The following SCAPER variants were observed in gnomAD, a reference collection of about 807,000 sequenced individuals.
SCAPER encodes S-phase cyclin A associated protein in the ER, also known as S phase cyclin A-associated protein in the endoplasmic reticulum.
In SCAPER, 98 loss-of-function variants were observed where a neutral mutation model predicts 182.2. The ratio of observed to expected loss-of-function variants is 0.54; its 90% CI spans 0.46 to 0.64. The LOEUF is 0.64. Ranked by LOEUF, SCAPER falls within the 30% of genes least tolerant of loss-of-function variation. The probability of loss-of-function intolerance (pLI) is 0.00; values close to 1 mark genes in which losing one functional copy is unlikely to be tolerated. For synonymous variants in SCAPER, 605 were observed against 564.6 expected, an observed-to-expected ratio of 1.07 and a Z score of -1.01; for missense variants, 1,432 against 1,690.0, an observed-to-expected ratio of 0.85 and a Z score of 2.68.
chr15:76,582,112 A>G (rs546787054), intron 22 of SCAPER, among the ~76,000 whole-genome samples: 1 of 152,306 alleles, frequency 6.6e-6, no homozygotes, highest in African/African-American at 2.4e-5. Context: ...ACCTAGACCA[A>G]TTGGACAAGA....
At chr15:76,351,349 G>A (rs1355673104) in intron 30 of SCAPER, 61 bp from the exon 31 acceptor site, 6 of 1,476,884 alleles carry the variant, frequency 4.1e-6, no homozygotes, top group Non-Finnish European at 5.5e-6. Flanking sequence ...TTCACTAAGG[G>A]TGGCTTTAAA....
chr15:76,421,975 G>T (rs944585399), intron 26 of SCAPER, among the ~76,000 whole-genome samples: 2 of 152,060 alleles, frequency 1.3e-5, no homozygotes, highest in Non-Finnish European at 1.5e-5. Flanking sequence ...TGTTCCATTG[G>T]TCTATATCTC....
rs528384560 is a variant in SCAPER at position 76,885,395 on chromosome 15, T to TA, written c.-59-1520dup. On this transcript the variant is annotated intron_variant, in intron 1 of 31. Coordinates refer to ENST00000563290, the MANE Select transcript of SCAPER (RefSeq NM_020843.4). The stretch of plus-strand genomic sequence containing the variant: ...CAGACATATTCTAGCATTAGGGCTT[T>TA]ATACCTGTTGGACCTCCCATGTGGA... Among the ~76,000 whole-genome samples the TA allele has an allele frequency of 1.9e-4, 29 of 152,354 alleles. No homozygotes were observed. The South Asian group carries it at 6.0e-3, about 32-fold the overall frequency.
At chr15:76,605,727 C>A (rs2050328889) in intron 22 of SCAPER, among the ~76,000 whole-genome samples, 1 of 152,140 alleles carries the variant, frequency 6.6e-6, no homozygotes, top group Non-Finnish European at 1.5e-5. Context: ...TTCAGAGATT[C>A]AGCTTCTTCC....
chr15:76,781,744 T>C (rs2064158585), intron 8 of SCAPER, among the ~76,000 whole-genome samples: 1 of 152,066 alleles, frequency 6.6e-6, no homozygotes, highest in South Asian at 2.1e-4. Flanking sequence ...TCAACATTAT[T>C]AAACAAAAAA....
intron 30 of SCAPER, among the ~76,000 whole-genome samples, chr15:76,352,993 G>A (rs1029309525): frequency 4.6e-5 from 7 of 151,770 alleles, no homozygotes; most frequent in Non-Finnish European, 8.8e-5. Context: ...ATCTAGTTGC[G>A]TTTATTAATT....
chr15:76,452,259 T>C (rs1162843682), intron 25 of SCAPER, among the ~76,000 whole-genome samples: 1 of 152,228 alleles, frequency 6.6e-6, no homozygotes, highest in Non-Finnish European at 1.5e-5. Context: ...AACTATTCCC[T>C]TGCATTGCTG....
At chr15:76,857,746 T>A (rs1400368024) in intron 4 of SCAPER, 63 bp downstream of exon 4, 2 of 1,022,706 alleles carry the variant, frequency 2.0e-6, no homozygotes, top group African/African-American at 3.3e-5. Flanking sequence ...ATTTTCATAA[T>A]TTATAATACA....
At chr15:76,435,917 C>T (rs1351312261) in intron 25 of SCAPER, among the ~76,000 whole-genome samples, 1 of 152,160 alleles carries the variant, frequency 6.6e-6, no homozygotes, top group Non-Finnish European at 1.5e-5. Flanking sequence ...GGCTGATTTC[C>T]TGTACCTTGG....
intron 29 of SCAPER, among the ~76,000 whole-genome samples, chr15:76,358,410 A>G (rs1477050762): frequency 6.6e-6 from 1 of 152,262 alleles, no homozygotes; most frequent in African/African-American, 2.4e-5. Flanking sequence ...TTGGGCTGCC[A>G]TAACAATATA....
intron 21 of SCAPER, among the ~76,000 whole-genome samples, chr15:76,630,060 T>C (rs770397475): frequency 8.5e-5 from 13 of 152,230 alleles, no homozygotes; most frequent in Non-Finnish European, 1.5e-5. Flanking sequence ...GAGGTATTTA[T>C]AGTATTCTCT....
chr15:76,525,257 A>G (rs1035614504), intron 23 of SCAPER, among the ~76,000 whole-genome samples: 5 of 152,104 alleles, frequency 3.3e-5, no homozygotes, highest in South Asian at 2.1e-4. Flanking sequence ...TCCTAAACTC[A>G]TATCTATCAT....
intron 14 of SCAPER, among the ~76,000 whole-genome samples, chr15:76,757,544 A>G (rs538195793): frequency 1.3e-5 from 2 of 152,170 alleles, no homozygotes; most frequent in South Asian, 4.1e-4. Context: ...TATCTTGGCT[A>G]TTACGAATAA....
intron 25 of SCAPER, among the ~76,000 whole-genome samples, chr15:76,460,958 A>C (rs2049125619): frequency 6.6e-6 from 1 of 152,190 alleles, no homozygotes; most frequent in South Asian, 2.1e-4. Context: ...AGACCTTATA[A>C]GAGTTTTGCC....
intron 22 of SCAPER, among the ~76,000 whole-genome samples, chr15:76,584,537 C>T (rs1283089099): frequency 6.6e-6 from 1 of 152,030 alleles, no homozygotes. Context: ...ACATATACAC[C>T]TACTGTGTGC....
intron 25 of SCAPER, among the ~76,000 whole-genome samples, chr15:76,466,074 G>A (rs1567196528): frequency 2.0e-5 from 3 of 152,012 alleles, no homozygotes; most frequent in Non-Finnish European, 4.4e-5. Context: ...CTTATTTGGG[G>A]TCCTTTAGTC....
At chr15:76,409,791 T>TAC (rs1462354100) in intron 26 of SCAPER, among the ~76,000 whole-genome samples, 1 of 151,962 alleles carries the variant, frequency 6.6e-6, no homozygotes, top group Non-Finnish European at 1.5e-5. Context: ...CCCAATTCTA[T>TAC]CTCAAGGCCT....
intron 5 of SCAPER, among the ~76,000 whole-genome samples, chr15:76,812,494 A>G (rs1185248880): frequency 6.7e-6 from 1 of 148,998 alleles, no homozygotes; most frequent in Non-Finnish European, 1.5e-5. Flanking sequence ...AAAAAAAAAA[A>G]AAAAAAGAAA....
Position 76,348,537 on chromosome 15 carries a change from C to A in SCAPER, c.*96G>T. On this transcript the variant is annotated 3_prime_UTR_variant, in exon 32 of 32. Transcript: ENST00000563290. ...ATCTACAGTGTGGGAAGAGTATAAA[C>A]ATGGGAAAATGAGTTCTTAAGGAAC... 1.2e-6 allele frequency: 1 copy of A among 802,036 alleles called. No individual in the cohort carries two copies. The highest frequency in any genetic ancestry group is 1.9e-5 in the South Asian group (1 of 52,256). 49.7% of individuals were successfully genotyped at this position (802,036 alleles called of 1,614,324 possible). A position where few individuals can be genotyped will look rare whatever the true frequency, so the allele number is the denominator to read the frequency against.
Sources: gnomAD v4.1 joint callset for allele counts (sites outside exome capture counted in the v4.1 genomes callset) on GRCh38, gnomAD v4.1.1 for gene constraint, MANE v1.5 for transcripts, NCBI Gene and HGNC (gene_info 2026-07-23, HGNC 2026-07-21) for gene names.